Variants in ZNF578 observed in about 807,000 individuals in gnomAD.
The protein encoded by ZNF578 is zinc finger protein 578.
Under a neutral mutation model 8.3 loss-of-function variants are expected in ZNF578, and 8 were observed. The ratio of observed to expected loss-of-function variants is 0.96; its 90% confidence interval spans 0.56 to 1.74. The LOEUF is 1.74. ZNF578 is among the 40% of genes most tolerant of loss of function. The pLI, the probability that ZNF578 is intolerant of heterozygous loss-of-function variation, is 0.00. For missense variants in ZNF578, 726 were observed against 707.5 expected, an observed-to-expected ratio of 1.03 and a Z score of -0.30; for synonymous variants, 206 against 232.2, an observed-to-expected ratio of 0.89 and a Z score of 1.03.
intron 2 of ZNF578, among the ~76,000 whole-genome samples, chr19:52,467,561 A>T (rs926220848): frequency 7.2e-5 from 11 of 152,122 alleles, no homozygotes; most frequent in African/African-American, 2.2e-4. Context: ...GATGGCAGTG[A>T]GCATGATCAA....
At chr19:52,474,394 A>C (rs1484956955) in intron 2 of ZNF578, 2 of 294,470 alleles carry the variant, frequency 6.8e-6, no homozygotes, top group Non-Finnish European at 1.4e-5. Flanking sequence ...TGTAACATTC[A>C]TTACATTTGT....
chr19:52,480,078 T>G (rs2059320840), intron 2 of ZNF578, among the ~76,000 whole-genome samples: 1 of 151,970 alleles, frequency 6.6e-6, no homozygotes, highest in African/African-American at 2.4e-5. Context: ...CCCGGCAAAT[T>G]TTTTGTATTT....
At chr19:52,462,067 GAATTATTTTGC>G (rs1309537768) in intron 2 of ZNF578, among the ~76,000 whole-genome samples, 2 of 152,102 alleles carry the variant, frequency 1.3e-5, no homozygotes, top group Admixed American at 6.5e-5. Context: ...GATTCCATAG[GAATTATTTTGC>G]AGTAGCACAC....
At chr19:52,482,893 A>G (rs1346164542) in intron 2 of ZNF578, among the ~76,000 whole-genome samples, 1 of 147,328 alleles carries the variant, frequency 6.8e-6, no homozygotes, top group Non-Finnish European at 1.5e-5. Flanking sequence ...GTGAGCCATG[A>G]TGGCACTACC....
At chr19:52,458,613 A>T (rs888964080) in intron 2 of ZNF578, 3 of 151,398 alleles carry the variant, frequency 2.0e-5, no homozygotes, top group Non-Finnish European at 4.4e-5. Flanking sequence ...TTTTCTTTCC[A>T]TGTATTTTAG....
At chr19:52,498,084 T>C (rs566045972) in intron 3 of ZNF578, among the ~76,000 whole-genome samples, 10 of 152,334 alleles carry the variant, frequency 6.6e-5, no homozygotes, top group Non-Finnish European at 1.2e-4. Context: ...TGTTTGGGAT[T>C]GATGCCATCA....
rs1599881693 is a variant in ZNF578, at chr19:52,462,459, A to G, written c.-122+5501A>G. Among the ~76,000 whole-genome samples, 2 of 152,326 alleles carry G rather than the reference A, an allele frequency of 1.3e-5. 1 individual carries two copies. The highest frequency in any genetic ancestry group is 6.8e-3 in the Middle Eastern group (2 of 294). On this transcript the variant is annotated intron_variant, in intron 2 of 5. Transcript: ENST00000421239. ...AACATAAACCTCAACTGGGGGTTCC[A>G]ACAAAGTGACAGACCTAATTAAAGG...
chr19:52,508,844 A>AT (rs1305267630), intron 5 of ZNF578, among the ~76,000 whole-genome samples: 3 of 149,880 alleles, frequency 2.0e-5, no homozygotes, highest in Non-Finnish European at 4.4e-5. Context: ...CAGTACGAAC[A>AT]TAACTGTAGT....
At chr19:52,474,210 A>ATGCTT (rs1424481333) in intron 2 of ZNF578, 1 of 304,878 alleles carries the variant, frequency 3.3e-6, no homozygotes, top group Non-Finnish European at 6.8e-6. Context: ...TAGTCACTAA[A>ATGCTT]TGCTTTGCCA....
chr19:52,459,767 ATATTTTT>A (rs1459445178), intron 2 of ZNF578, among the ~76,000 whole-genome samples: 2 of 6,022 alleles, frequency 3.3e-4, no homozygotes, highest in African/African-American at 5.6e-4. Flanking sequence ...ATATATATAT[ATATTTTT>A]TTTTTTTTTT....
At position 52,512,943 on chromosome 19, in the gene ZNF578, G is replaced by A. The variant is rs1316286240; in HGVS notation, c.*789G>A. 3.9e-5 allele frequency among the ~76,000 whole-genome samples: 6 copies of A among 152,196 alleles called. No individual in the cohort carries two copies. The highest frequency in any genetic ancestry group is 8.8e-5 in the Non-Finnish European group (6 of 68,042). On this transcript the variant is annotated 3_prime_UTR_variant, in exon 6 of 6. Transcript: ENST00000421239. ...GCCTGTAATCCCAGCACATTGGGAG[G>A]CCAAGGCACATAGGTCACTTGAGGT...
intron 2 of ZNF578, among the ~76,000 whole-genome samples, chr19:52,479,905 A>ATATT (rs2122836078): frequency 6.9e-6 from 1 of 145,692 alleles, no homozygotes; most frequent in East Asian, 2.3e-4. Context: ...TGATTTTTTT[A>ATATT]TCTGTATTCA....
chr19:52,505,336 A>G (rs1302661724), intron 5 of ZNF578, among the ~76,000 whole-genome samples: 1 of 152,194 alleles, frequency 6.6e-6, no homozygotes, highest in Non-Finnish European at 1.5e-5. Context: ...TCACAGCCTC[A>G]TATGTATGAG....
At chr19:52,471,315 T>A (rs1389285310) in intron 2 of ZNF578, among the ~76,000 whole-genome samples, 1 of 152,222 alleles carries the variant, frequency 6.6e-6, no homozygotes, top group Non-Finnish European at 1.5e-5. Context: ...ACTACCAGCT[T>A]TTCTCTTCCC....
intron 5 of ZNF578, among the ~76,000 whole-genome samples, chr19:52,508,495 G>T (rs1349971990): frequency 6.6e-6 from 1 of 151,278 alleles, no homozygotes; most frequent in African/African-American, 2.4e-5. Flanking sequence ...GGTCCTATTG[G>T]TCCACTATCA....
At chr19:52,483,214 G>A (rs1177178999) in intron 2 of ZNF578, among the ~76,000 whole-genome samples, 6 of 151,872 alleles carry the variant, frequency 4.0e-5, no homozygotes, top group Non-Finnish European at 5.9e-5. Context: ...TTGGTGGTTC[G>A]AGACCAGCCT....
In ZNF578 at chr19:52,511,793, A is replaced by C. The variant is rs754695928; in HGVS notation, c.1412A>C (p.Glu471Ala). The stretch of plus-strand genomic sequence containing the variant: ...GTTTTCAGTCAGAAATCAAACCTTG[A>C]GAGACACAAGATAATTCATACTGGA... ...DRVFSQKSNL[E>A]RHKIIHTGEK... is the part of the protein sequence containing the mutation. Residue 471 changes from glutamate to alanine, a missense_variant, in exon 6 of 6, where the codon GAG becomes GCG. Physicochemically the swap from Glu to Ala is moderately radical, Grantham distance 107. Transcript: ENST00000421239. The C allele has an allele frequency of 1.9e-6, 3 of 1,613,078 alleles. No homozygotes were observed. In the South Asian group the frequency reaches 3.3e-5, roughly 18 times the overall value.
chr19:52,513,884 G>T lies in ZNF578; in HGVS notation c.*1730G>T, dbSNP rs931050563. ...TACTAAAAATACAAAAGTTAGCCAG[G>T]GGTGGGGGTGTGCACCTTTAGTTCC... On this transcript the variant is annotated 3_prime_UTR_variant, in exon 6 of 6. Coordinates refer to ENST00000421239, the MANE Select transcript of ZNF578 (RefSeq NM_001099694.2). Among the ~76,000 whole-genome samples, 9 of 152,108 alleles carry T rather than the reference G, an allele frequency of 5.9e-5. No individual in the cohort carries two copies.
At chr19:52,488,465 C>T (rs1288064022) in intron 2 of ZNF578, among the ~76,000 whole-genome samples, 2 of 151,852 alleles carry the variant, frequency 1.3e-5, no homozygotes, top group African/African-American at 2.4e-5. Context: ...AAAAATTAGC[C>T]GGGCGTGGTG....
Sources: allele counts gnomAD v4.1 joint callset (sites outside exome capture counted in the v4.1 genomes callset), GRCh38; gene constraint gnomAD v4.1.1; transcripts MANE v1.5; gene names NCBI Gene and HGNC (gene_info 2026-07-23, HGNC 2026-07-21).